Variants in PGM5 observed in about 807,000 individuals in gnomAD.
The protein encoded by PGM5 is phosphoglucomutase 5.
Under a neutral mutation model 59.2 loss-of-function variants are expected in PGM5, and 23 were observed. That is an observed-to-expected ratio of 0.39 (90% CI 0.28 to 0.55). The LOEUF (loss-of-function observed/expected upper bound fraction) is 0.55. Ranked by LOEUF, PGM5 falls within the 20% of genes least tolerant of loss-of-function variation. The pLI, the probability that PGM5 is intolerant of heterozygous loss-of-function variation, is 0.66. For synonymous variants in PGM5, 214 were observed against 286.0 expected, an observed-to-expected ratio of 0.75 and a Z score of 2.54; for missense variants, 574 against 748.3, an observed-to-expected ratio of 0.77 and a Z score of 2.72.
chr9:68,491,613 T>C (rs1483511308), intron 9 of PGM5, among the ~76,000 whole-genome samples: 1 of 152,244 alleles, frequency 6.6e-6, no homozygotes, highest in Non-Finnish European at 1.5e-5. Context: ...AAAAAAATAA[T>C]TTCTACTAGC....
At chr9:68,487,325 T>C (rs1048700409) in intron 9 of PGM5, among the ~76,000 whole-genome samples, 1 of 152,146 alleles carries the variant, frequency 6.6e-6, no homozygotes, top group Admixed American at 6.6e-5. Context: ...AAGCCTCAGG[T>C]ACAGCGGCAA....
At chr9:68,396,702 G>A (rs1247647165) in intron 6 of PGM5, 4 of 152,192 alleles carry the variant, frequency 2.6e-5, no homozygotes, top group Admixed American at 2.6e-4. Flanking sequence ...GTAGGTCCCA[G>A]GTGGATTCTC....
At chr9:68,451,250 G>A (rs782430000) in intron 6 of PGM5, among the ~76,000 whole-genome samples, 4 of 152,282 alleles carry the variant, frequency 2.6e-5, no homozygotes, top group South Asian at 4.1e-4. Context: ...ATGCCAACAC[G>A]ATTAACTGCG....
At chr9:68,401,929 GTA>G (rs797042092) in intron 6 of PGM5, among the ~76,000 whole-genome samples, 6,761 of 56,908 alleles carry the variant, frequency 0.12, 219 homozygotes, top group East Asian at 0.35. Flanking sequence ...GTGTGTGTGT[GTA>G]TATATTTGTC....
intron 9 of PGM5, among the ~76,000 whole-genome samples, chr9:68,494,091 G>A (rs1824443322): frequency 6.6e-6 from 1 of 152,134 alleles, no homozygotes; most frequent in Non-Finnish European, 1.5e-5. Flanking sequence ...ATAAAGGAGA[G>A]CATATTTTTC....
intron 1 of PGM5, among the ~76,000 whole-genome samples, chr9:68,360,703 CA>C (rs2131970144): frequency 6.6e-6 from 1 of 152,122 alleles, no homozygotes; most frequent in African/African-American, 2.4e-5. Context: ...AGATTGTAAA[CA>C]TTTTCCTATA....
chr9:68,495,845 G>A (rs1450155849), intron 9 of PGM5, among the ~76,000 whole-genome samples: 1 of 152,146 alleles, frequency 6.6e-6, no homozygotes, highest in African/African-American at 2.4e-5. Context: ...AGGGATAAAA[G>A]GCAAGTATTC....
chr9:68,386,747 T>C (rs1822230200), intron 3 of PGM5, among the ~76,000 whole-genome samples: 1 of 152,082 alleles, frequency 6.6e-6, no homozygotes, highest in African/African-American at 2.4e-5. Flanking sequence ...AATTATACAC[T>C]GATTGACAAG....
chr9:68,473,767 T>C (rs781839284), intron 7 of PGM5, among the ~76,000 whole-genome samples: 1 of 152,070 alleles, frequency 6.6e-6, no homozygotes, highest in African/African-American at 2.4e-5. Context: ...GTGCTAAAAG[T>C]GGGAAAATCC....
intron 6 of PGM5, among the ~76,000 whole-genome samples, chr9:68,410,122 A>AT (rs1477536716): frequency 3.9e-5 from 6 of 152,220 alleles, no homozygotes; most frequent in Non-Finnish European, 7.3e-5. Flanking sequence ...CACCATGCCC[A>AT]TATTTAGGCA....
At chr9:68,380,795 ATTATGAACAATT>A (rs748423579) in intron 2 of PGM5, among the ~76,000 whole-genome samples, 26 of 152,058 alleles carry the variant, frequency 1.7e-4, no homozygotes, top group Admixed American at 5.2e-4. Context: ...ATAAGGGATT[ATTATGAACAATT>A]TTATGCCAAC....
intron 6 of PGM5, among the ~76,000 whole-genome samples, chr9:68,407,202 C>T (rs1368858303): frequency 6.6e-6 from 1 of 152,172 alleles, no homozygotes; most frequent in Non-Finnish European, 1.5e-5. Context: ...ACAATCACAG[C>T]TCACTACAAT....
intron 10 of PGM5, among the ~76,000 whole-genome samples, chr9:68,527,879 C>T (rs1253524463): frequency 1.3e-5 from 2 of 152,318 alleles, no homozygotes; most frequent in South Asian, 2.1e-4. Flanking sequence ...CTCCCCTTGC[C>T]TAATGAATTA....
At chr9:68,444,383 T>A (rs1358610979) in intron 6 of PGM5, among the ~76,000 whole-genome samples, 1 of 152,188 alleles carries the variant, frequency 6.6e-6, no homozygotes, top group African/African-American at 2.4e-5. Flanking sequence ...TCAAGTAGAA[T>A]TATTGGGGTG....
At chr9:68,435,140 AC>A (rs1163432678) in intron 6 of PGM5, among the ~76,000 whole-genome samples, 1 of 152,006 alleles carries the variant, frequency 6.6e-6, no homozygotes, top group Non-Finnish European at 1.5e-5. Context: ...TGAGCACACT[AC>A]CTAAGGAGAG....
At chr9:68,376,512 TGTGTGTG>T (rs1554677666) in intron 1 of PGM5, among the ~76,000 whole-genome samples, 1 of 151,432 alleles carries the variant, frequency 6.6e-6, no homozygotes, top group East Asian at 1.9e-4. Context: ...TGTGTGTGTG[TGTGTGTG>T]TGTGTTTTGA....
intron 9 of PGM5, among the ~76,000 whole-genome samples, chr9:68,486,556 CT>C (rs1564018866): frequency 1.3e-5 from 2 of 152,200 alleles, no homozygotes; most frequent in African/African-American, 4.8e-5. Flanking sequence ...TGACTAGCTT[CT>C]TTCACTTATT....
At chr9:68,430,564 TC>T (rs1823327859) in intron 6 of PGM5, among the ~76,000 whole-genome samples, 1 of 152,254 alleles carries the variant, frequency 6.6e-6, no homozygotes, top group African/African-American at 2.4e-5. Flanking sequence ...ATCCTAATTT[TC>T]TCCAGGCCCA....
At chr9:68,496,695 T>C (rs1824487748) in intron 9 of PGM5, 1 of 152,234 alleles carries the variant, frequency 6.6e-6, no homozygotes, top group African/African-American at 2.4e-5. Context: ...ACAATAACAT[T>C]ATTTCATTTT....
Sources: gnomAD v4.1 joint callset for allele counts (sites outside exome capture counted in the v4.1 genomes callset) on GRCh38, gnomAD v4.1.1 for gene constraint, MANE v1.5 for transcripts, NCBI Gene and HGNC (gene_info 2026-07-23, HGNC 2026-07-21) for gene names.